PEMT: variants seen among roughly 807,000 people sequenced by gnomAD.
PEMT encodes phosphatidylethanolamine N-methyltransferase, also known as phospholipid methyltransferase.
A neutral mutation model predicts 27.4 loss-of-function variants in PEMT; 23 were observed. The observed-to-expected ratio is 0.84, with a 90% confidence interval of 0.60 to 1.19. The LOEUF (loss-of-function observed/expected upper bound fraction) is 1.19. Ranked by LOEUF, PEMT falls within the 50% of genes most tolerant of loss-of-function variation. The pLI is 0.00. For missense variants in PEMT, 307 were observed against 310.1 expected, an observed-to-expected ratio of 0.99 and a Z score of 0.07; for synonymous variants, 137 against 139.1, an observed-to-expected ratio of 0.98 and a Z score of 0.11.
At chr17:17,543,008 G>A (rs142906888) in intron 2 of PEMT, among the ~76,000 whole-genome samples, 102 of 152,292 alleles carry the variant, frequency 6.7e-4, no homozygotes, top group African/African-American at 1.7e-3. Flanking sequence ...TGGCCTCCTC[G>A]CATCAGTTAC....
intron 2 of PEMT, among the ~76,000 whole-genome samples, chr17:17,574,265 A>AAC (rs139970591): frequency 0.03 from 3,788 of 124,486 alleles, 228 homozygotes; most frequent in African/African-American, 0.091. Flanking sequence ...AAAAAAAAAA[A>AAC]CCGTATGCCA....
At chr17:17,592,067 C>T (rs1400719128), upstream of PEMT, 2 of 985,360 alleles carry the variant, frequency 2.0e-6, no homozygotes, top group African/African-American at 1.7e-5. Flanking sequence ...CGGACTTGGA[C>T]TTGGCCCGGG....
At chr17:17,537,140 G>A (rs1055149907) in intron 2 of PEMT, among the ~76,000 whole-genome samples, 7 of 152,342 alleles carry the variant, frequency 4.6e-5, no homozygotes, top group South Asian at 2.1e-4. Flanking sequence ...GGGTCTCTGA[G>A]CCCTGCTTAC....
chr17:17,506,590 C>G (rs77967941), intron 5 of PEMT, among the ~76,000 whole-genome samples: 3 of 152,234 alleles, frequency 2.0e-5, no homozygotes, highest in East Asian at 3.8e-4. Context: ...GGTCTCCAGC[C>G]GCCAGCCCAG....
chr17:17,551,841 C>A (rs932267854), intron 2 of PEMT, among the ~76,000 whole-genome samples: 1 of 152,188 alleles, frequency 6.6e-6, no homozygotes, highest in Non-Finnish European at 1.5e-5. Context: ...GGGCAGGGAA[C>A]CTACCTGAGA....
At chr17:17,506,383 C>A in intron 5 of PEMT, 82 bp from the exon 6 acceptor site, 1 of 1,109,198 alleles carries the variant, frequency 9.0e-7, no homozygotes, top group South Asian at 1.5e-5. Context: ...CTGGCCCTTC[C>A]TGCCGTGACC....
In PEMT at chr17:17,513,614, G is replaced by T. The variant is rs1308364265; in HGVS notation, c.321-960C>A. 6.6e-6 allele frequency among the ~76,000 whole-genome samples: 1 copy of T among 152,092 alleles called. No individual in the cohort carries two copies. Among genetic ancestry groups the T allele is most frequent in the African/African-American group, 2.4e-5 (1 of 41,422 alleles). On this transcript the variant is annotated intron_variant, in intron 3 of 6. Coordinates refer to ENST00000255389, the MANE Select transcript of PEMT (RefSeq NM_148172.3). This position sits in a 1 kb window ranked among gnomAD's most constrained non-coding sequence, Gnocchi z 4.1. Reference sequence around the variant, plus strand: ...AAAAAGAAAAAAAGAAAAGGCAGTGGCGTGACCAAAAGGGGGTGACTATGA... The same window carrying T: ...AAAAAGAAAAAAAGAAAAGGCAGTGTCGTGACCAAAAGGGGGTGACTATGA...
intron 3 of PEMT, among the ~76,000 whole-genome samples, chr17:17,520,928 G>T (rs1051017996): frequency 2.0e-5 from 3 of 152,272 alleles, no homozygotes; most frequent in Non-Finnish European, 4.4e-5. Context: ...CCACGGAGGG[G>T]GAAGGCCTAG....
intron 1 of PEMT, among the ~76,000 whole-genome samples, chr17:17,590,210 A>AT (rs1463489110): frequency 6.6e-6 from 1 of 152,214 alleles, no homozygotes; most frequent in Non-Finnish European, 1.5e-5. Flanking sequence ...ATCTGACTGC[A>AT]TGTTGTAATT....
intron 2 of PEMT, among the ~76,000 whole-genome samples, chr17:17,565,087 CT>C (rs2142707467): frequency 6.6e-6 from 1 of 152,320 alleles, no homozygotes; most frequent in African/African-American, 2.4e-5. Flanking sequence ...TCTCTGCAGG[CT>C]CCACCTCCCA....
At chr17:17,509,275 G>T (rs1291162021) in intron 5 of PEMT, among the ~76,000 whole-genome samples, 159 bp downstream of exon 5, 1 of 152,244 alleles carries the variant, frequency 6.6e-6, no homozygotes, top group Admixed American at 6.5e-5. Context: ...TAGATAAGAC[G>T]CTTCTGAGAA....
rs1026018427 is a variant in PEMT at position 17,591,632 on chromosome 17, G to A, written c.-6C>T. On this transcript the variant is annotated 5_prime_UTR_variant, in exon 1 of 7. Transcript: ENST00000255389. ...GGGTTCCCAGATCTCTTCATCCGGG[G>A]GCCGCCTCAGGAGGCACCACGCGGG... The A allele has an allele frequency of 1.2e-6, 2 of 1,609,636 alleles. No individual in the cohort carries two copies. Among genetic ancestry groups the A allele is most frequent in the South Asian group, 2.2e-5 (2 of 90,388 alleles).
chr17:17,520,498 T>C (rs1907184211), intron 3 of PEMT, among the ~76,000 whole-genome samples: 1 of 152,186 alleles, frequency 6.6e-6, no homozygotes, highest in East Asian at 1.9e-4. Flanking sequence ...ACTTCCTCCA[T>C]CTGCACAGTC....
At chr17:17,562,630 G>T (rs931588750) in intron 2 of PEMT, among the ~76,000 whole-genome samples, 4 of 152,176 alleles carry the variant, frequency 2.6e-5, no homozygotes, top group Non-Finnish European at 4.4e-5. Flanking sequence ...CCAACATGGT[G>T]AAACCTTGTC....
chr17:17,569,264 C>G (rs1298270487), intron 2 of PEMT, among the ~76,000 whole-genome samples: 1 of 152,214 alleles, frequency 6.6e-6, no homozygotes, highest in East Asian at 1.9e-4. Context: ...TGTCAGAACA[C>G]CTGTCTGCAG....
intron 2 of PEMT, among the ~76,000 whole-genome samples, chr17:17,563,058 T>A (rs1191855851): frequency 1.3e-5 from 2 of 152,158 alleles, no homozygotes; most frequent in Non-Finnish European, 1.5e-5. Flanking sequence ...CTTGGACACT[T>A]ACCTTGTGAC....
At chr17:17,519,518 A>G (rs1037484695) in intron 3 of PEMT, among the ~76,000 whole-genome samples, 1 of 151,936 alleles carries the variant, frequency 6.6e-6, no homozygotes, top group African/African-American at 2.4e-5. Flanking sequence ...CCAAGAACAA[A>G]CCAGACAGTG....
chr17:17,581,497 G>A (rs138120882), intron 1 of PEMT, among the ~76,000 whole-genome samples: 1 of 152,220 alleles, frequency 6.6e-6, no homozygotes, highest in South Asian at 2.1e-4. Flanking sequence ...GAGTGCTTCT[G>A]GGTCTTGAAA....
chr17:17,549,687 C>T (rs763393602), intron 2 of PEMT, among the ~76,000 whole-genome samples: 11 of 152,218 alleles, frequency 7.2e-5, no homozygotes, highest in Non-Finnish European at 1.5e-4. Context: ...ACAGGGCAGG[C>T]CTGTGTGTCT....
Sources: allele counts gnomAD v4.1 joint callset (sites outside exome capture counted in the v4.1 genomes callset), GRCh38; gene constraint gnomAD v4.1.1; non-coding constraint Gnocchi (gnomAD v3.1); transcripts MANE v1.5; gene names NCBI Gene and HGNC (gene_info 2026-07-23, HGNC 2026-07-21).